Variants in KIF21A observed in about 807,000 individuals in gnomAD.
KIF21A encodes kinesin family member 21A, also known as kinesin-like protein KIF21A.
A neutral mutation model predicts 202.9 loss-of-function variants in KIF21A; 114 were observed. That is an observed-to-expected ratio of 0.56 (90% confidence interval 0.48 to 0.66). KIF21A has a LOEUF of 0.66. KIF21A is among the 30% of genes least tolerant of loss of function. KIF21A has a pLI of 0.00. For synonymous variants in KIF21A, 667 were observed against 670.8 expected (o/e 0.99, Z 0.09); for missense variants, 1,677 against 1,994.9 (o/e 0.84, Z 3.04).
At chr12:39,315,554 C>G (rs958652497) in intron 30 of KIF21A, among the ~76,000 whole-genome samples, 5 of 151,124 alleles carry the variant, frequency 3.3e-5, no homozygotes, top group Non-Finnish European at 7.4e-5. Context: ...CTTAAAATTG[C>G]TAAACCAACA....
chr12:39,373,551 T>C (rs1030494607), intron 1 of KIF21A, among the ~76,000 whole-genome samples: 1 of 152,118 alleles, frequency 6.6e-6, no homozygotes, highest in Middle Eastern at 3.2e-3. Context: ...TCCCATGTAA[T>C]AATAAAGATA....
In KIF21A at chr12:39,416,880, CAT is replaced by C. The variant is rs201915556; in HGVS notation, c.44+26045_44+26046del. On this transcript the variant is annotated intron_variant, in intron 1 of 37. Transcript: ENST00000361418. The stretch of plus-strand genomic sequence containing the variant: ...ATATATGTGTATATATAGATATGTA[CAT>C]ATATATATGTGTATATATATATGTA... Among the ~76,000 whole-genome samples the C allele has an allele frequency of 9.2e-3, 1,321 of 143,066 alleles. 24 individuals are homozygous for C. The highest frequency in any genetic ancestry group is 0.029 in the African/African-American group (1,094 of 38,300). 93.9% of individuals were successfully genotyped at this position (143,066 alleles called of 152,430 possible).
At chr12:39,375,762 A>G (rs1051002388) in intron 1 of KIF21A, among the ~76,000 whole-genome samples, 10 of 152,130 alleles carry the variant, frequency 6.6e-5, no homozygotes. Context: ...GTTAGCTTGT[A>G]AATAGAGTGA....
chr12:39,365,553 G>A (rs1026645829), intron 6 of KIF21A, among the ~76,000 whole-genome samples: 1 of 152,136 alleles, frequency 6.6e-6, no homozygotes, highest in Admixed American at 6.5e-5. Context: ...AATGCCACTA[G>A]GTGGCATGGT....
intron 1 of KIF21A, among the ~76,000 whole-genome samples, chr12:39,381,180 C>T (rs891919463): frequency 1.5e-4 from 23 of 150,930 alleles, no homozygotes; most frequent in Non-Finnish European, 2.5e-4. Flanking sequence ...TGGTGGCGGG[C>T]GCCTGTAGTC....
At chr12:39,382,656 T>C (rs1165166691) in intron 1 of KIF21A, among the ~76,000 whole-genome samples, 4 of 152,204 alleles carry the variant, frequency 2.6e-5, no homozygotes, top group African/African-American at 9.6e-5. Context: ...GATATCTTAC[T>C]GTCATGCTTA....
chr12:39,354,124 T>C (rs1050555220), intron 10 of KIF21A, among the ~76,000 whole-genome samples: 1 of 152,132 alleles, frequency 6.6e-6, no homozygotes, highest in Non-Finnish European at 1.5e-5. Context: ...ATAAAATGAA[T>C]TTAAAAGTCC....
At chr12:39,305,172 C>A (rs1188548659) in intron 34 of KIF21A, among the ~76,000 whole-genome samples, 1 of 151,654 alleles carries the variant, frequency 6.6e-6, no homozygotes, top group Non-Finnish European at 1.5e-5. Flanking sequence ...TTGAGACCAG[C>A]CTGGCCAACA....
At chr12:39,367,333 T>C in intron 4 of KIF21A, 169 bp from the exon 5 acceptor site, 1 of 663,590 alleles carries the variant, frequency 1.5e-6, no homozygotes, top group Non-Finnish European at 2.6e-6. Context: ...CTTCTCAGTA[T>C]AATAGTGTAT....
At chr12:39,373,844 G>C (rs891978189) in intron 1 of KIF21A, among the ~76,000 whole-genome samples, 2 of 152,182 alleles carry the variant, frequency 1.3e-5, no homozygotes, top group African/African-American at 4.8e-5. Flanking sequence ...GGAGGATTCT[G>C]TTTGAAACAT....
At chr12:39,335,131 G>C (rs1360729825) in intron 17 of KIF21A, among the ~76,000 whole-genome samples, 1 of 152,036 alleles carries the variant, frequency 6.6e-6, no homozygotes, top group East Asian at 1.9e-4. Context: ...TTAAATAAAA[G>C]AAGCCAGACA....
chr12:39,351,697 TG>T, intron 11 of KIF21A, 79 bp downstream of exon 11: 1 of 826,770 alleles, frequency 1.2e-6, no homozygotes, highest in East Asian at 2.6e-5. Flanking sequence ...CATGAGACTA[TG>T]TATGCTCTTT....
intron 1 of KIF21A, among the ~76,000 whole-genome samples, chr12:39,428,826 C>T (rs556752011): frequency 5.3e-5 from 8 of 151,862 alleles, no homozygotes; most frequent in Non-Finnish European, 1.0e-4. Context: ...GACGTGGTGG[C>T]GTATGCCTGT....
In KIF21A at chr12:39,325,890, C is replaced by T. The variant is rs754591024; in HGVS notation, c.3405G>A (p.Thr1135=). 5.4e-5 allele frequency: 87 copies of T among 1,609,318 alleles called. No homozygotes were observed. Among genetic ancestry groups the T allele is most frequent in the Non-Finnish European group, 7.1e-5 (83 of 1,176,624 alleles). ...AAAGCTTCATGAGATCTGAAGACAG[C>T]GTGCTATGTGCAAATAAATAATTAA... The part of the protein sequence containing the change: ...PLNSPGSEGS[T]LSSDLMKLCG... Residue 1135 remains threonine, a synonymous_variant, in exon 26 of 38, where the codon ACG becomes ACA. Coordinates refer to ENST00000361418, the MANE Select transcript of KIF21A (RefSeq NM_001173464.2).
intron 6 of KIF21A, among the ~76,000 whole-genome samples, chr12:39,363,548 T>A (rs973611281): frequency 6.6e-6 from 1 of 152,138 alleles, no homozygotes; most frequent in Non-Finnish European, 1.5e-5. Flanking sequence ...TACGCATTCT[T>A]CTCCTCAACT....
chr12:39,323,827 C>T (rs375291057), intron 26 of KIF21A, among the ~76,000 whole-genome samples: 15 of 152,014 alleles, frequency 9.9e-5, no homozygotes, highest in African/African-American at 3.6e-4. Context: ...GATATGAGAT[C>T]CGGCAGGGTG....
intron 17 of KIF21A, 28 bp downstream of exon 17, chr12:39,337,068 A>C: frequency 7.0e-7 from 1 of 1,433,378 alleles, no homozygotes; most frequent in Non-Finnish European, 9.8e-7. Flanking sequence ...CAATTTTCTT[A>C]TATAACTGAG....
intron 16 of KIF21A, 94 bp from the exon 17 acceptor site, chr12:39,337,297 A>C: frequency 1.2e-6 from 1 of 804,642 alleles, no homozygotes; most frequent in Non-Finnish European, 2.2e-6. Flanking sequence ...TAGAATTCTG[A>C]ATACTTAACA....
intron 1 of KIF21A, among the ~76,000 whole-genome samples, chr12:39,391,321 T>C (rs1367490205): frequency 6.6e-6 from 1 of 152,178 alleles, no homozygotes; most frequent in Non-Finnish European, 1.5e-5. Context: ...TTTTTTTCAC[T>C]TCCTGAGTTC....
Sources: allele counts gnomAD v4.1 joint callset (sites outside exome capture counted in the v4.1 genomes callset), GRCh38; gene constraint gnomAD v4.1.1; transcripts MANE v1.5; gene names NCBI Gene and HGNC (gene_info 2026-07-23, HGNC 2026-07-21).